Variants in CALN1 observed in about 807,000 individuals in gnomAD.
CALN1 encodes the protein calneuron 1.
In CALN1, 17 loss-of-function variants were observed where a neutral mutation model predicts 30.6. That is an observed-to-expected ratio of 0.56 (90% CI 0.38 to 0.83). The LOEUF (loss-of-function observed/expected upper bound fraction) is 0.83. Ranked by LOEUF, CALN1 falls within the 40% of genes least tolerant of loss-of-function variation. CALN1 has a pLI of 0.00. For missense variants in CALN1, 291 were observed against 354.9 expected (o/e 0.82, Z 1.45); for synonymous variants, 156 against 131.4 (o/e 1.19, Z -1.28).
rs531133564 is a variant in CALN1, at chr7:72,006,330, C to T, written c.501+17327G>A. On this transcript the variant is annotated intron_variant, in intron 5 of 6. Transcript: ENST00000395275. ...AGTAAAAGGCTTCTAACAAGAAGAG[C>T]TATTGTTCCATTTAATTTAGGAGAT... 4.6e-5 allele frequency among the ~76,000 whole-genome samples: 7 copies of T among 152,176 alleles called. No homozygotes were observed. The East Asian group carries it at 1.4e-3, about 29-fold the overall frequency.
At chr7:72,381,709 G>A (rs544769463) in intron 2 of CALN1, among the ~76,000 whole-genome samples, 1 of 152,250 alleles carries the variant, frequency 6.6e-6, no homozygotes, top group Non-Finnish European at 1.5e-5. Context: ...AGGGGCATGG[G>A]GGCAAGGGGA....
the CALN1 span, among the ~76,000 whole-genome samples, chr7:72,473,410 C>T: frequency 6.6e-6 from 1 of 151,884 alleles, no homozygotes; most frequent in Non-Finnish European, 1.5e-5. Flanking sequence ...TTCCCAAGCC[C>T]GAGACTAAAA....
chr7:72,375,466 G>A (rs887222055), intron 2 of CALN1, among the ~76,000 whole-genome samples: 41 of 151,496 alleles, frequency 2.7e-4, no homozygotes, highest in African/African-American at 9.7e-4. Flanking sequence ...TCATGAGGCT[G>A]AGGTGGGGAG....
chr7:72,187,973 T>C (rs987307865), intron 3 of CALN1, among the ~76,000 whole-genome samples: 2 of 151,912 alleles, frequency 1.3e-5, no homozygotes, highest in Non-Finnish European at 2.9e-5. Context: ...CAAAAAACAA[T>C]AGATGTTGGT....
At chr7:72,131,460 G>A (rs1585005648) in intron 3 of CALN1, among the ~76,000 whole-genome samples, 1 of 152,116 alleles carries the variant, frequency 6.6e-6, no homozygotes, top group East Asian at 1.9e-4. Flanking sequence ...TGCTCTTCAT[G>A]CTTTTAAACT....
intron 3 of CALN1, among the ~76,000 whole-genome samples, chr7:72,275,089 C>T (rs1385533325): frequency 6.6e-6 from 1 of 151,934 alleles, no homozygotes; most frequent in Non-Finnish European, 1.5e-5. Context: ...GGTGGGGAAA[C>T]CTGTAGCCAT....
intron 5 of CALN1, among the ~76,000 whole-genome samples, chr7:71,824,265 C>T (rs1788779577): frequency 6.6e-6 from 1 of 152,106 alleles, no homozygotes; most frequent in African/African-American, 2.4e-5. Context: ...GCTCCACAGC[C>T]CAGTCTTTCC....
intron 5 of CALN1, among the ~76,000 whole-genome samples, chr7:71,814,879 C>T (rs971452781): frequency 6.6e-6 from 1 of 151,208 alleles, no homozygotes; most frequent in Non-Finnish European, 1.5e-5. Context: ...TGTCCCCCAC[C>T]CTGGAGTGCA....
chr7:71,916,674 G>T (rs1464845003), intron 5 of CALN1, among the ~76,000 whole-genome samples: 1 of 152,078 alleles, frequency 6.6e-6, no homozygotes, highest in African/African-American at 2.4e-5. Context: ...CTGTGCTGGG[G>T]GAGGAGGAAA....
At chr7:72,312,888 A>C (rs556483721) in intron 2 of CALN1, among the ~76,000 whole-genome samples, 2 of 151,870 alleles carry the variant, frequency 1.3e-5, no homozygotes, top group African/African-American at 4.8e-5. Flanking sequence ...AGACTGGAGT[A>C]CAGTGGTGCA....
At chr7:72,301,523 G>A (rs561088257) in intron 2 of CALN1, among the ~76,000 whole-genome samples, 4 of 149,378 alleles carry the variant, frequency 2.7e-5, no homozygotes, top group East Asian at 2.0e-4. Context: ...GAGGAGAATC[G>A]CTGTAACCCA....
intron 2 of CALN1, among the ~76,000 whole-genome samples, chr7:72,304,635 T>A (rs998967473): frequency 6.6e-6 from 1 of 152,224 alleles, no homozygotes; most frequent in East Asian, 1.9e-4. Context: ...TATCTACTTA[T>A]ATTTTGTTTT....
intron 5 of CALN1, among the ~76,000 whole-genome samples, chr7:71,924,745 G>A (rs1425844699): frequency 1.3e-5 from 2 of 152,012 alleles, no homozygotes; most frequent in African/African-American, 2.4e-5. Flanking sequence ...ACACATAAGA[G>A]CCTGAAAACA....
At chr7:72,358,450 C>G (rs895521514) in intron 2 of CALN1, among the ~76,000 whole-genome samples, 1 of 150,122 alleles carries the variant, frequency 6.7e-6, no homozygotes, top group Non-Finnish European at 1.5e-5. Flanking sequence ...TCTCCCTTCC[C>G]GCAGAGAGCA....
At chr7:72,116,107 T>C (rs989355019) in intron 3 of CALN1, among the ~76,000 whole-genome samples, 1 of 152,236 alleles carries the variant, frequency 6.6e-6, no homozygotes, top group East Asian at 1.9e-4. Flanking sequence ...CCTTAGGTGA[T>C]TTGCTATTTG....
intron 5 of CALN1, among the ~76,000 whole-genome samples, chr7:71,813,361 G>A (rs570174562): frequency 6.6e-6 from 1 of 152,248 alleles, no homozygotes; most frequent in East Asian, 1.9e-4. Context: ...TCTCCAACTA[G>A]TAAGAGATAA....
chr7:71,791,145 G>C (rs575676397), intron 6 of CALN1, among the ~76,000 whole-genome samples: 1 of 152,094 alleles, frequency 6.6e-6, no homozygotes, highest in African/African-American at 2.4e-5. Context: ...GGTCCCAAGG[G>C]CTTGTCAAAG....
intron 1 of CALN1, among the ~76,000 whole-genome samples, chr7:72,403,918 G>C (rs1806524624): frequency 6.6e-6 from 1 of 152,166 alleles, no homozygotes; most frequent in African/African-American, 2.4e-5. Flanking sequence ...CCCAAACTTA[G>C]TCATGCTGTC....
intron 5 of CALN1, among the ~76,000 whole-genome samples, chr7:71,961,398 T>C (rs1217380858): frequency 6.6e-6 from 1 of 152,182 alleles, no homozygotes; most frequent in Non-Finnish European, 1.5e-5. Context: ...GTTTTAATGT[T>C]AGCACATGAG....
Sources: gnomAD v4.1 joint callset for allele counts (sites outside exome capture counted in the v4.1 genomes callset) on GRCh38, gnomAD v4.1.1 for gene constraint, MANE v1.5 for transcripts, NCBI Gene and HGNC (gene_info 2026-07-23, HGNC 2026-07-21) for gene names.